TUSC3: variants seen among roughly 807,000 people sequenced by gnomAD.
TUSC3 encodes dolichyl-diphosphooligosaccharide--protein glycosyltransferase subunit TUSC3.
In TUSC3, 45 loss-of-function variants were observed where a neutral mutation model predicts 44.8. The ratio of observed to expected loss-of-function variants is 1.00; its 90% CI spans 0.79 to 1.29. The LOEUF (loss-of-function observed/expected upper bound fraction) is 1.29, where lower values mean the gene tolerates loss of function less well. Ranked by LOEUF, TUSC3 falls within the 50% of genes most tolerant of loss-of-function variation. The probability of loss-of-function intolerance (pLI) is 0.00; values close to 1 mark genes in which losing one functional copy is unlikely to be tolerated. For synonymous variants in TUSC3, 212 were observed against 152.9 expected (o/e 1.39, Z -2.85); for missense variants, 519 against 437.9 (o/e 1.19, Z -1.65).
At chr8:15,422,684 C>G (rs931679837) in intron 1 of TUSC3, among the ~76,000 whole-genome samples, 1 of 152,130 alleles carries the variant, frequency 6.6e-6, no homozygotes, top group Non-Finnish European at 1.5e-5. Context: ...CAGGGTCTCA[C>G]TCTGTCACCC....
At chr8:15,582,058 AG>A (rs1803378344) in intron 1 of TUSC3, among the ~76,000 whole-genome samples, 1 of 152,090 alleles carries the variant, frequency 6.6e-6, no homozygotes, top group African/African-American at 2.4e-5. Flanking sequence ...TTCGGGTGGC[AG>A]TGACCCGATT....
intron 6 of TUSC3, among the ~76,000 whole-genome samples, chr8:15,701,127 A>G (rs1809386334): frequency 6.6e-6 from 1 of 152,120 alleles, no homozygotes; most frequent in Admixed American, 6.6e-5. Flanking sequence ...AATGTTACAG[A>G]AGTAAAATGT....
At chr8:15,778,873 A>G in the TUSC3 span, among the ~76,000 whole-genome samples, 1 of 152,200 alleles carries the variant, frequency 6.6e-6, no homozygotes, top group South Asian at 2.1e-4. Flanking sequence ...ATACAGAACA[A>G]TGACTACAGA....
chr8:15,770,640 T>C (rs145553767), downstream of TUSC3, among the ~76,000 whole-genome samples: 650 of 152,152 alleles, frequency 4.3e-3, 5 homozygotes, highest in Non-Finnish European at 7.5e-3. Context: ...TATAATAATA[T>C]AGTAATAATT....
At chr8:15,443,542 C>T (rs931366479) in intron 1 of TUSC3, among the ~76,000 whole-genome samples, 1 of 152,064 alleles carries the variant, frequency 6.6e-6, no homozygotes, top group Admixed American at 6.6e-5. Context: ...TAACCGAATC[C>T]ATCTTGCTTC....
the TUSC3 span, among the ~76,000 whole-genome samples, chr8:15,843,311 G>A: frequency 1.3e-5 from 2 of 152,060 alleles, no homozygotes; most frequent in African/African-American, 4.8e-5. Flanking sequence ...GGTCAGATAC[G>A]TTTGGAAAAG....
chr8:15,839,120 A>G, the TUSC3 span, among the ~76,000 whole-genome samples: 4 of 152,088 alleles, frequency 2.6e-5, no homozygotes, highest in Admixed American at 1.3e-4. Context: ...CTTTGAAGCA[A>G]TTGTGAATGG....
At chr8:15,778,556 C>G in the TUSC3 span, among the ~76,000 whole-genome samples, 1 of 152,142 alleles carries the variant, frequency 6.6e-6, no homozygotes, top group East Asian at 1.9e-4. Flanking sequence ...TAAAAGCAGC[C>G]AGTATTATTA....
chr8:15,761,798 T>TAA lies in TUSC3; in HGVS notation c.*47-2405_*47-2404insAA, dbSNP rs1262086874. ...ATTGACAGTTGTTTTTAAAAAAGTA[T>TAA]GATACGAAGGCATTTATACATTTTT... is the stretch of plus-strand genomic sequence containing the variant. On this transcript the variant is annotated intron_variant, in intron 10 of 10. Coordinates refer to ENST00000503731, the MANE Select transcript of TUSC3 (RefSeq NM_006765.4). 8.5e-5 allele frequency among the ~76,000 whole-genome samples: 13 copies of TAA among 152,276 alleles called. No homozygotes were observed. The East Asian group carries it at 1.4e-3, about 16-fold the overall frequency.
At chr8:15,758,602 G>C (rs1812035169) in intron 10 of TUSC3, among the ~76,000 whole-genome samples, 1 of 151,982 alleles carries the variant, frequency 6.6e-6, no homozygotes, top group South Asian at 2.1e-4. Flanking sequence ...GCTCCATACC[G>C]TTCAGCAACC....
intron 6 of TUSC3, among the ~76,000 whole-genome samples, chr8:15,685,724 AACAG>A (rs1443650649): frequency 6.6e-6 from 1 of 152,194 alleles, no homozygotes; most frequent in Non-Finnish European, 1.5e-5. Context: ...ATCAATATAT[AACAG>A]ACCTATATGA....
chr8:15,637,049 C>G (rs898052576), intron 2 of TUSC3, among the ~76,000 whole-genome samples: 4 of 152,144 alleles, frequency 2.6e-5, no homozygotes, highest in Admixed American at 1.3e-4. Context: ...TTACAGTTGA[C>G]TATTCTAGGT....
chr8:15,746,182 T>A (rs766396489), intron 8 of TUSC3, among the ~76,000 whole-genome samples: 4 of 152,042 alleles, frequency 2.6e-5, no homozygotes, highest in African/African-American at 9.7e-5. Flanking sequence ...AATAAGAAAT[T>A]TGTAGTAAAT....
chr8:15,748,631 A>C (rs1244564728), intron 9 of TUSC3, 166 bp downstream of exon 9: 5 of 752,738 alleles, frequency 6.6e-6, no homozygotes, highest in Non-Finnish European at 1.2e-5. Flanking sequence ...AGTGAAGTAC[A>C]CAAAGGAGAT....
chr8:15,782,335 C>G, the TUSC3 span, among the ~76,000 whole-genome samples: 1 of 151,814 alleles, frequency 6.6e-6, no homozygotes, highest in Non-Finnish European at 1.5e-5. Flanking sequence ...TTTAAGTAGC[C>G]AGGCATAGTG....
chr8:15,656,645 C>A (rs1239751360), intron 3 of TUSC3, among the ~76,000 whole-genome samples: 1 of 147,270 alleles, frequency 6.8e-6, no homozygotes, highest in Non-Finnish European at 1.5e-5. Flanking sequence ...TCTCCCAGGC[C>A]CAAGCCCACG....
At chr8:15,696,175 G>C (rs1195900708) in intron 6 of TUSC3, among the ~76,000 whole-genome samples, 1 of 152,202 alleles carries the variant, frequency 6.6e-6, no homozygotes, top group Non-Finnish European at 1.5e-5. Flanking sequence ...GGCAAAAATA[G>C]TTTCGTGGGC....
the TUSC3 span, among the ~76,000 whole-genome samples, chr8:15,828,064 G>T: frequency 2.8e-5 from 4 of 144,618 alleles, no homozygotes. Context: ...GCACGATCTT[G>T]GCTCACTGCA....
chr8:15,751,084 TCTC>T (rs1355962134), intron 9 of TUSC3, among the ~76,000 whole-genome samples: 1 of 152,072 alleles, frequency 6.6e-6, no homozygotes, highest in African/African-American at 2.4e-5. Context: ...TGCTCCATCA[TCTC>T]CTGTGCTATT....
Sources: gnomAD v4.1 joint callset for allele counts (sites outside exome capture counted in the v4.1 genomes callset) on GRCh38, gnomAD v4.1.1 for gene constraint, MANE v1.5 for transcripts, NCBI Gene and HGNC (gene_info 2026-07-23, HGNC 2026-07-21) for gene names.